WWOX: variants seen among roughly 807,000 people sequenced by gnomAD.
WWOX encodes the protein WW domain containing oxidoreductase.
WWOX carries 69 observed loss-of-function variants against 46.2 expected under a neutral mutation model. The observed-to-expected ratio is 1.49, with a 90% CI of 1.23 to 1.82. WWOX has a LOEUF of 1.82. Ranked by LOEUF, WWOX falls within the 40% of genes most tolerant of loss-of-function variation. WWOX has a pLI of 0.00. For synonymous variants in WWOX, 359 were observed against 202.6 expected (o/e 1.77, Z -6.56); for missense variants, 919 against 542.6 (o/e 1.69, Z -6.89).
At chr16:78,503,601 A>T (rs1411816927) in intron 8 of WWOX, 1 of 152,174 alleles carries the variant, frequency 6.6e-6, no homozygotes, top group Admixed American at 6.5e-5. Context: ...CTGAAAGAAC[A>T]TTTCCACACC....
At chr16:78,458,686 ATAT>A (rs2083884457) in intron 8 of WWOX, among the ~76,000 whole-genome samples, 1 of 152,152 alleles carries the variant, frequency 6.6e-6, no homozygotes, top group Non-Finnish European at 1.5e-5. Context: ...TTTAGCATTA[ATAT>A]TAGGGAAGAT....
chr16:78,518,671 C>T (rs2043288264), intron 8 of WWOX, among the ~76,000 whole-genome samples: 1 of 152,118 alleles, frequency 6.6e-6, no homozygotes. Flanking sequence ...TTATTGAATG[C>T]CGATTGTTCA....
At chr16:78,974,319 T>C (rs1011834258) in intron 8 of WWOX, among the ~76,000 whole-genome samples, 3 of 152,142 alleles carry the variant, frequency 2.0e-5, no homozygotes, top group Non-Finnish European at 4.4e-5. Context: ...GTACAGATAA[T>C]AAAGCAGGGG....
intron 8 of WWOX, among the ~76,000 whole-genome samples, chr16:78,577,272 G>T (rs559406325): frequency 3.9e-5 from 6 of 152,300 alleles, no homozygotes; most frequent in East Asian, 1.9e-4. Flanking sequence ...TTGCTGAACA[G>T]ACTTTCTGTC....
chr16:78,705,432 G>A (rs942553752), intron 8 of WWOX, among the ~76,000 whole-genome samples: 7 of 152,172 alleles, frequency 4.6e-5, no homozygotes, highest in African/African-American at 1.7e-4. Flanking sequence ...CTGTAAAAAT[G>A]CGTTGTGTTC....
chr16:78,289,909 T>A (rs2079832085), intron 5 of WWOX, among the ~76,000 whole-genome samples: 2 of 152,208 alleles, frequency 1.3e-5, no homozygotes, highest in African/African-American at 4.8e-5. Context: ...ACTGACATTT[T>A]TAGTAGCCAC....
chr16:78,412,831 T>A (rs923844239), intron 6 of WWOX, among the ~76,000 whole-genome samples: 4 of 152,174 alleles, frequency 2.6e-5, no homozygotes, highest in Non-Finnish European at 5.9e-5. Flanking sequence ...TGAATGGAGA[T>A]GAATATTTCA....
chr16:78,864,883 C>T (rs2043969941), intron 8 of WWOX, among the ~76,000 whole-genome samples: 1 of 151,100 alleles, frequency 6.6e-6, no homozygotes, highest in Non-Finnish European at 1.5e-5. Context: ...CTGCTTCAGC[C>T]CCCCGAGTAG....
At chr16:78,617,971 T>G (rs1048580124) in intron 8 of WWOX, among the ~76,000 whole-genome samples, 9 of 152,214 alleles carry the variant, frequency 5.9e-5, no homozygotes, top group African/African-American at 1.4e-4. Context: ...TATATTATCA[T>G]TCATATGAAT....
At chr16:78,974,673 G>C (rs1191195555) in intron 8 of WWOX, among the ~76,000 whole-genome samples, 1 of 152,184 alleles carries the variant, frequency 6.6e-6, no homozygotes, top group Non-Finnish European at 1.5e-5. Context: ...GAGGAGGACA[G>C]ATTATTCTGT....
chr16:78,415,815 C>T (rs13333868), intron 6 of WWOX, among the ~76,000 whole-genome samples: 1 of 152,004 alleles, frequency 6.6e-6, no homozygotes, highest in Non-Finnish European at 1.5e-5. Flanking sequence ...TGATGACAAC[C>T]CCCGCCCCCA....
chr16:78,205,213 G>A (rs965493611), intron 5 of WWOX, among the ~76,000 whole-genome samples: 1 of 152,052 alleles, frequency 6.6e-6, no homozygotes, highest in South Asian at 2.1e-4. Flanking sequence ...GGAATGTGGG[G>A]GTCATGGAAG....
chr16:78,439,800 G>T (rs1218886005), intron 8 of WWOX, among the ~76,000 whole-genome samples: 1 of 152,214 alleles, frequency 6.6e-6, no homozygotes, highest in Non-Finnish European at 1.5e-5. Context: ...TATATGAGTA[G>T]CTCCTTTGTG....
At chr16:78,175,088 C>G (rs2035295858) in intron 5 of WWOX, among the ~76,000 whole-genome samples, 2 of 151,908 alleles carry the variant, frequency 1.3e-5, no homozygotes, top group African/African-American at 4.8e-5. Context: ...GCAGGGGGCC[C>G]CTTCCATCCG....
chr16:78,497,621 G>C (rs929017945), intron 8 of WWOX, among the ~76,000 whole-genome samples: 8 of 152,164 alleles, frequency 5.3e-5, no homozygotes, highest in African/African-American at 1.7e-4. Context: ...AAAAGAATCT[G>C]ATGTAAAAAT....
chr16:78,989,310 C>T (rs77603359), intron 8 of WWOX, among the ~76,000 whole-genome samples: 1 of 152,134 alleles, frequency 6.6e-6, no homozygotes, highest in Admixed American at 6.5e-5. Context: ...ATATCAAGAG[C>T]TAAATACATT....
Position 78,386,967 on chromosome 16 carries a change from G to A in WWOX, c.605+19G>A, listed in dbSNP as rs199843934. ...AGAATGTGTGAGTGTTCCAGTGGAG[G>A]GTTATAGATCATAATTTCTTGCTAT... On this transcript the variant is annotated intron_variant, in intron 6 of 8. Coordinates refer to ENST00000566780, the MANE Select transcript of WWOX (RefSeq NM_016373.4). 18 of 1,606,308 alleles carry A rather than the reference G, an allele frequency of 1.1e-5. No homozygotes were observed. Among genetic ancestry groups the A allele is most frequent in the African/African-American group, 5.3e-5 (4 of 74,918 alleles).
Position 78,972,450 on chromosome 16 carries a change from G to A in WWOX, c.1057-239158G>A, listed in dbSNP as rs190264105. ...AAAGCAGTAGAAATAGTCACTGGAA[G>A]GAAGTCAGCAAGCAGGGGTGAAAAA... is the stretch of plus-strand genomic sequence containing the variant. On this transcript the variant is annotated intron_variant, in intron 8 of 8. Transcript: ENST00000566780. Among the ~76,000 whole-genome samples the A allele has an allele frequency of 2.2e-3, 315 of 143,192 alleles. 4 individuals carry two copies. In the Middle Eastern group the frequency reaches 0.036, roughly 16 times the overall value. 93.9% of individuals were successfully genotyped at this position (143,192 alleles called of 152,430 possible).
intron 8 of WWOX, among the ~76,000 whole-genome samples, chr16:78,650,135 C>T (rs892816475): frequency 2.0e-5 from 3 of 152,096 alleles, no homozygotes; most frequent in South Asian, 4.1e-4. Context: ...AAAAGCAGGA[C>T]AAATGAACGC....
Sources: allele counts gnomAD v4.1 joint callset (sites outside exome capture counted in the v4.1 genomes callset), GRCh38; gene constraint gnomAD v4.1.1; transcripts MANE v1.5; gene names NCBI Gene and HGNC (gene_info 2026-07-23, HGNC 2026-07-21).